The following DPP6 variants were observed in gnomAD, a reference collection of about 807,000 sequenced individuals.
The protein encoded by DPP6 is dipeptidyl peptidase like 6.
DPP6 carries 69 observed loss-of-function variants against 122.6 expected under a neutral mutation model. The observed-to-expected ratio is 0.56, with a 90% CI of 0.46 to 0.69. The LOEUF (loss-of-function observed/expected upper bound fraction) is 0.69. DPP6 is among the 30% of genes least tolerant of loss of function. DPP6 has a pLI of 0.00. For synonymous variants in DPP6, 418 were observed against 433.1 expected, an observed-to-expected ratio of 0.97 and a Z score of 0.43; for missense variants, 928 against 1,116.9, an observed-to-expected ratio of 0.83 and a Z score of 2.41.
intron 1 of DPP6, among the ~76,000 whole-genome samples, chr7:154,193,172 CA>C (rs1166602706): frequency 1.3e-5 from 2 of 152,304 alleles, no homozygotes; most frequent in East Asian, 3.9e-4. Flanking sequence ...TTGAAAACAT[CA>C]GAGTGATTTT....
intron 1 of DPP6, among the ~76,000 whole-genome samples, chr7:154,254,096 A>T (rs77994076): frequency 1.6e-3 from 251 of 152,308 alleles, no homozygotes; most frequent in African/African-American, 5.8e-3. Context: ...ATTTGATGAA[A>T]TTTGGGTGGG....
chr7:153,787,939 G>A, the DPP6 span, among the ~76,000 whole-genome samples: 18 of 151,104 alleles, frequency 1.2e-4, no homozygotes, highest in African/African-American at 4.4e-4. Context: ...AGGTAGAGCA[G>A]TTGAAGGAGA....
intron 6 of DPP6, among the ~76,000 whole-genome samples, chr7:154,660,526 A>G (rs57568164): frequency 0.043 from 5,440 of 127,762 alleles, 679 homozygotes; most frequent in African/African-American, 0.16. Context: ...TCACCATGGC[A>G]TATTGGCGCT....
chr7:154,060,728 C>CT (rs1352595369), intron 1 of DPP6, among the ~76,000 whole-genome samples: 5 of 60,386 alleles, frequency 8.3e-5, no homozygotes, highest in African/African-American at 3.4e-4. Flanking sequence ...GGGGGAGGCA[C>CT]CCCCCGCGAG....
intron 2 of DPP6, among the ~76,000 whole-genome samples, chr7:154,451,934 C>G (rs1190533581): frequency 6.6e-6 from 1 of 152,232 alleles, no homozygotes; most frequent in Admixed American, 6.5e-5. Context: ...TGCTCCCGCA[C>G]CGAGGCCTGA....
rs145048012 is a variant in DPP6, at chr7:154,805,244, T to C, written c.1547+280T>C. 4.1e-4 allele frequency among the ~76,000 whole-genome samples: 63 copies of C among 152,332 alleles called. No individual in the cohort carries two copies. In the East Asian group the frequency reaches 7.4e-3, roughly 18 times the overall value. On this transcript the variant is annotated intron_variant, in intron 15 of 25. Coordinates refer to ENST00000377770, the MANE Select transcript of DPP6 (RefSeq NM_130797.4). ...GCTAACGGATGGACTTTAACCCGTCTTTCCTTTTCACTTCTATTCAATGTC... is the reference window on the plus strand; with the variant it reads ...GCTAACGGATGGACTTTAACCCGTCCTTCCTTTTCACTTCTATTCAATGTC...
chr7:154,437,678 G>A (rs773579038), intron 1 of DPP6, among the ~76,000 whole-genome samples: 20 of 152,242 alleles, frequency 1.3e-4, no homozygotes, highest in Non-Finnish European at 2.5e-4. Context: ...GTTCATGCCT[G>A]TAATTCCAGC....
the DPP6 span, among the ~76,000 whole-genome samples, chr7:153,834,289 A>AAAAAG: frequency 6.6e-6 from 1 of 150,846 alleles, no homozygotes; most frequent in African/African-American, 2.4e-5. Flanking sequence ...AAAAAAAAAA[A>AAAAAG]GTAAGTACAT....
chr7:154,310,078 G>T (rs1585895059), intron 1 of DPP6, among the ~76,000 whole-genome samples: 1 of 152,230 alleles, frequency 6.6e-6, no homozygotes, highest in Non-Finnish European at 1.5e-5. Flanking sequence ...AGGCTGATGT[G>T]TGAAGGATTT....
chr7:154,108,100 C>G (rs1806303062), intron 1 of DPP6, among the ~76,000 whole-genome samples: 1 of 152,208 alleles, frequency 6.6e-6, no homozygotes. Flanking sequence ...GCCCTGTTCT[C>G]TACCTTCTTT....
At chr7:154,192,639 A>G (rs531629420) in intron 1 of DPP6, among the ~76,000 whole-genome samples, 2 of 152,394 alleles carry the variant, frequency 1.3e-5, no homozygotes, top group African/African-American at 4.8e-5. Context: ...GAGGAAGGCC[A>G]CAAGAAGGAG....
chr7:154,485,081 T>C (rs1586420917), intron 3 of DPP6, among the ~76,000 whole-genome samples: 1 of 152,234 alleles, frequency 6.6e-6, no homozygotes, highest in East Asian at 1.9e-4. Flanking sequence ...CATTAAGCCT[T>C]AGAATTGCAG....
At chr7:154,231,886 C>T (rs963336206) in intron 1 of DPP6, among the ~76,000 whole-genome samples, 18 of 152,198 alleles carry the variant, frequency 1.2e-4, no homozygotes, top group Admixed American at 1.0e-3. Flanking sequence ...CCCTTGAGGT[C>T]AACCGGCTTC....
intron 7 of DPP6, among the ~76,000 whole-genome samples, chr7:154,684,084 G>T (rs1839449396): frequency 6.6e-6 from 1 of 152,062 alleles, no homozygotes; most frequent in Non-Finnish European, 1.5e-5. Flanking sequence ...TGCCCAAGCT[G>T]GTCTGGAACT....
At chr7:154,695,998 T>G (rs919704965) in intron 7 of DPP6, among the ~76,000 whole-genome samples, 1 of 152,136 alleles carries the variant, frequency 6.6e-6, no homozygotes, top group East Asian at 1.9e-4. Flanking sequence ...AAAAGAGGCC[T>G]CTCAGAGGAG....
rs528832935 is a variant in DPP6, at chr7:154,119,529, G to A, written c.243+66466G>A. Among the ~76,000 whole-genome samples the A allele has an allele frequency of 1.3e-4, 19 of 151,694 alleles. 1 individual carries two copies. The highest frequency in any genetic ancestry group is 9.9e-4 in the Admixed American group (15 of 15,196). ...TTGGGTCCCAGTTTACCTGGATCTC[G>A]GGCTGGTGTCATCTCAACAATGGTG... On this transcript the variant is annotated intron_variant, in intron 1 of 25. Coordinates refer to ENST00000377770, the MANE Select transcript of DPP6 (RefSeq NM_130797.4).
At chr7:153,847,198 A>G in the DPP6 span, among the ~76,000 whole-genome samples, 1 of 152,164 alleles carries the variant, frequency 6.6e-6, no homozygotes, top group Admixed American at 6.5e-5. Flanking sequence ...AAGCAGGTTT[A>G]TTAAGAAAGC....
chr7:154,469,821 A>G (rs1401293269), intron 2 of DPP6, among the ~76,000 whole-genome samples: 1 of 152,208 alleles, frequency 6.6e-6, no homozygotes, highest in African/African-American at 2.4e-5. Context: ...ATCAATAAAT[A>G]TGCTGGCAGA....
chr7:153,796,998 G>A, the DPP6 span, among the ~76,000 whole-genome samples: 68 of 152,230 alleles, frequency 4.5e-4, no homozygotes, highest in Admixed American at 3.8e-3. Context: ...AAGGGAAGCC[G>A]GCTGCCATGT....
Sources: allele counts gnomAD v4.1 joint callset (sites outside exome capture counted in the v4.1 genomes callset), GRCh38; gene constraint gnomAD v4.1.1; transcripts MANE v1.5; gene names NCBI Gene and HGNC (gene_info 2026-07-23, HGNC 2026-07-21).